ANK2: variants seen among roughly 807,000 people sequenced by gnomAD.
ANK2 encodes ankyrin 2.
Under a neutral mutation model 360.5 loss-of-function variants are expected in ANK2, and 83 were observed. That is an observed-to-expected ratio of 0.23 (90% CI 0.19 to 0.28). ANK2 has a LOEUF of 0.28. ANK2 is among the 10% of genes least tolerant of loss of function. ANK2 has a pLI of 1.00. For synonymous variants in ANK2, 1,740 were observed against 1,759.5 expected (o/e 0.99, Z 0.28); for missense variants, 4,201 against 4,795.7 (o/e 0.88, Z 3.66).
intron 1 of ANK2, among the ~76,000 whole-genome samples, chr4:112,886,831 A>G (rs1016282055): frequency 1.3e-5 from 2 of 152,208 alleles, no homozygotes; most frequent in Non-Finnish European, 2.9e-5. Context: ...TACCATGTTC[A>G]CCATATGATA....
Position 113,358,948 on chromosome 4 carries a change from G to A in ANK2, c.10330G>A (p.Val3444Ile), listed in dbSNP as rs377186833. 10 of 1,613,876 alleles carry A rather than the reference G, an allele frequency of 6.2e-6. No homozygotes were observed. The African/African-American group carries it at 8.0e-5, about 13-fold the overall frequency. The change falls in exon 38 of 46, where the codon GTT (valine) becomes ATT (isoleucine). Residue 3444 changes from valine (V) to isoleucine (I), a missense_variant. Val to Ile is a conservative substitution (Grantham distance 29). Transcript: ENST00000357077. Reference protein sequence around the residue: ...RPKILTSRLPVKSRSTTSSCR... With the variant: ...RPKILTSRLPIKSRSTTSSCR... ...AAAGATACTTACATCCCGATTGCCA[G>A]TTAAGAGCAGAAGCACTACATCTTC...
chr4:112,980,966 C>G (rs2042956010), intron 2 of ANK2, among the ~76,000 whole-genome samples: 1 of 152,172 alleles, frequency 6.6e-6, no homozygotes, highest in South Asian at 2.1e-4. Flanking sequence ...AGAGGTTGCC[C>G]AAGAACTTAC....
chr4:113,365,004 C>T (rs756945461), intron 40 of ANK2, 35 bp from the exon 41 acceptor site: 75 of 1,612,838 alleles, frequency 4.7e-5, no homozygotes, highest in Non-Finnish European at 6.1e-5. Flanking sequence ...GAGTACCTCT[C>T]AGACATAATA....
chr4:113,360,950 TCAGG>T, intron 39 of ANK2, 53 bp downstream of exon 39: 1 of 1,481,882 alleles, frequency 6.7e-7, no homozygotes, highest in Non-Finnish European at 9.4e-7. Context: ...GATGCATCAG[TCAGG>T]TGTCATTCAC....
At chr4:112,992,247 A>T (rs1227426287) in intron 2 of ANK2, among the ~76,000 whole-genome samples, 1 of 151,760 alleles carries the variant, frequency 6.6e-6, no homozygotes, top group East Asian at 1.9e-4. Flanking sequence ...AGGTTCAAGC[A>T]GTTCTCCTGC....
At chr4:112,766,608 G>A in the ANK2 span, among the ~76,000 whole-genome samples, 2 of 151,946 alleles carry the variant, frequency 1.3e-5, no homozygotes. Context: ...TTTCTGAAAG[G>A]CTTTCTCCTC....
At chr4:113,224,438 C>T (rs1276588948) in intron 4 of ANK2, among the ~76,000 whole-genome samples, 1 of 152,158 alleles carries the variant, frequency 6.6e-6, no homozygotes, top group African/African-American at 2.4e-5. Context: ...CATCTCTGCA[C>T]TTGCTGTATC....
chr4:113,163,815 A>C (rs1019679386), intron 1 of ANK2, among the ~76,000 whole-genome samples: 1 of 150,358 alleles, frequency 6.7e-6, no homozygotes, highest in African/African-American at 2.5e-5. Context: ...TTATGGAGAT[A>C]TATTCCCATA....
intron 1 of ANK2, among the ~76,000 whole-genome samples, chr4:112,883,887 T>C (rs2077515115): frequency 6.7e-6 from 1 of 148,950 alleles, no homozygotes; most frequent in Non-Finnish European, 1.5e-5. Context: ...TATGTATATA[T>C]ATGTGTATAT....
chr4:112,889,316 C>T (rs1410338270), intron 1 of ANK2, among the ~76,000 whole-genome samples: 3 of 149,562 alleles, frequency 2.0e-5, no homozygotes, highest in African/African-American at 4.9e-5. Context: ...GCCCTTTTTT[C>T]TCTTTGGGGT....
chr4:113,246,900 A>G (rs542052193), intron 9 of ANK2, among the ~76,000 whole-genome samples: 1 of 152,328 alleles, frequency 6.6e-6, no homozygotes, highest in African/African-American at 2.4e-5. Flanking sequence ...AAATGAGACT[A>G]CCAAAGGGAG....
At chr4:112,758,234 G>A in the ANK2 span, among the ~76,000 whole-genome samples, 6 of 151,814 alleles carry the variant, frequency 4.0e-5, no homozygotes, top group Admixed American at 3.3e-4. Context: ...ATTTTTCTGA[G>A]TCACATACAC....
chr4:113,015,009 C>T (rs1579066497), intron 2 of ANK2, among the ~76,000 whole-genome samples: 1 of 152,014 alleles, frequency 6.6e-6, no homozygotes, highest in Non-Finnish European at 1.5e-5. Context: ...CAGGCGCCCG[C>T]CACCACGCCC....
intron 10 of ANK2, among the ~76,000 whole-genome samples, chr4:113,254,058 C>T (rs1164292790): frequency 6.6e-6 from 1 of 152,120 alleles, no homozygotes; most frequent in East Asian, 1.9e-4. Context: ...TGTTTTTCCC[C>T]CAAGTCAACA....
chr4:113,252,770 T>G (rs1162057307), intron 10 of ANK2, among the ~76,000 whole-genome samples: 2 of 152,262 alleles, frequency 1.3e-5, no homozygotes, highest in African/African-American at 4.8e-5. Context: ...CCCTTACGTA[T>G]TCATACTACC....
At chr4:113,047,500 G>T (rs753148947), upstream of ANK2, among the ~76,000 whole-genome samples, 1 of 152,288 alleles carries the variant, frequency 6.6e-6, no homozygotes, top group South Asian at 2.1e-4. Context: ...AGCTGAGGCT[G>T]CTCCCAAGAA....
rs1489947974 is a variant in ANK2 at position 113,021,541 on chromosome 4, C to CACACACACACATATATATATATAT, written c.21+117028_21+117029insCACACACACATATATATATATATA. Among the ~76,000 whole-genome samples, 21 of 95,638 alleles carry CACACACACACATATATATATATAT rather than the reference C, an allele frequency of 2.2e-4. 1 individual carries two copies. Among genetic ancestry groups the CACACACACACATATATATATATAT allele is most frequent in the African/African-American group, 3.4e-4 (9 of 26,180 alleles). 62.7% of individuals were successfully genotyped at this position (95,638 alleles called of 152,430 possible). A position where few individuals can be genotyped will look rare whatever the true frequency, so the allele number is the denominator to read the frequency against. On this transcript the variant is annotated intron_variant, in intron 2 of 30. Coordinates refer to the ANK2 transcript ENST00000503271. ...ATACACACACACACCCACACACAAA[C>CACACACACACATATATATATATAT]ATATATATATATATATATATATATA...
rs558702764 is a variant in ANK2 at position 112,874,328 on chromosome 4, T to C, written c.-39-30127T>C. 2.1e-5 allele frequency among the ~76,000 whole-genome samples: 3 copies of C among 143,692 alleles called. No homozygotes were observed. In the South Asian group the frequency reaches 6.9e-4, roughly 33 times the overall value. The allele number at this position is 143,692 out of a possible 152,430, so 94.3% of individuals were successfully genotyped here. On this transcript the variant is annotated intron_variant, in intron 1 of 30. Coordinates refer to the ANK2 transcript ENST00000503271. ...GAACTCATGACCTCAGGTAATCCGA[T>C]CGCCTCAGCCTCCCAAAGTGCTGGG...
intron 2 of ANK2, among the ~76,000 whole-genome samples, chr4:113,003,905 G>A (rs529019521): frequency 1.3e-5 from 2 of 152,314 alleles, no homozygotes; most frequent in African/African-American, 4.8e-5. Context: ...GCATGTTGCT[G>A]TACTGAATAC....
Sources: gnomAD v4.1 joint callset for allele counts (sites outside exome capture counted in the v4.1 genomes callset) on GRCh38, gnomAD v4.1.1 for gene constraint, MANE v1.5 for transcripts, NCBI Gene and HGNC (gene_info 2026-07-23, HGNC 2026-07-21) for gene names.